Variants in POTEC observed in about 807,000 individuals in gnomAD.
The protein encoded by POTEC is POTE ankyrin domain family member C.
A neutral mutation model predicts 62.0 loss-of-function variants in POTEC; 35 were observed. The ratio of observed to expected loss-of-function variants is 0.56; its 90% confidence interval spans 0.43 to 0.75. The LOEUF is 0.75. Ranked by LOEUF, POTEC falls within the 30% of genes least tolerant of loss-of-function variation. The probability of loss-of-function intolerance (pLI) is 0.00; values close to 1 mark genes in which losing one functional copy is unlikely to be tolerated. For synonymous variants in POTEC, 156 were observed against 221.5 expected, an observed-to-expected ratio of 0.70 and a Z score of 2.62; for missense variants, 472 against 655.9, an observed-to-expected ratio of 0.72 and a Z score of 3.06.
chr18:14,531,214 T>C (rs1199512220), intron 5 of POTEC, among the ~76,000 whole-genome samples: 1 of 151,746 alleles, frequency 6.6e-6, no homozygotes, highest in Non-Finnish European at 1.5e-5. Flanking sequence ...AATTTTTTCA[T>C]AAATCTCTCA....
intron 6 of POTEC, among the ~76,000 whole-genome samples, chr18:14,528,281 G>C (rs1413892615): frequency 6.6e-6 from 1 of 152,126 alleles, no homozygotes; most frequent in East Asian, 1.9e-4. Context: ...AGCACACATT[G>C]TTGGCTCCCT....
chr18:14,518,399 A>AT lies in POTEC; in HGVS notation c.1409+3854dup, dbSNP rs200011347. 3.3e-4 allele frequency among the ~76,000 whole-genome samples: 49 copies of AT among 149,608 alleles called. No homozygotes were observed. The East Asian group carries it at 4.9e-3, about 15-fold the overall frequency. ...AGAGAAGTCCCTGCTGAGAAAGGGG[A>AT]TTTTTTTTTTCTAATACAAAAAACC... On this transcript the variant is annotated intron_variant, in intron 9 of 10. Transcript: ENST00000358970.
intron 7 of POTEC, among the ~76,000 whole-genome samples, 197 bp downstream of exon 7, chr18:14,524,716 T>G (rs1057034618): frequency 6.6e-6 from 1 of 151,946 alleles, no homozygotes; most frequent in Non-Finnish European, 1.5e-5. Context: ...TAAATTAGAA[T>G]TTATTGATTC....
intron 6 of POTEC, among the ~76,000 whole-genome samples, chr18:14,526,990 A>G (rs1910453106): frequency 6.6e-6 from 1 of 152,286 alleles, no homozygotes; most frequent in South Asian, 2.1e-4. Flanking sequence ...AGTCAATTCT[A>G]TAATAAGTCA....
At chr18:14,514,040 T>C (rs1910085521) in intron 9 of POTEC, among the ~76,000 whole-genome samples, 1 of 150,620 alleles carries the variant, frequency 6.6e-6, no homozygotes, top group Non-Finnish European at 1.5e-5. Context: ...ATTACATACA[T>C]TGTGCACTTC....
chr18:14,522,243 C>T lies in POTEC; in HGVS notation c.1409+11G>A, dbSNP rs1910330666. 6.3e-7 allele frequency: 1 copy of T among 1,581,238 alleles called. No homozygotes were observed. The highest frequency in any genetic ancestry group is 2.0e-5 in the Admixed American group (1 of 49,222). On this transcript the variant is annotated intron_variant, in intron 9 of 10. Coordinates refer to ENST00000358970, the MANE Select transcript of POTEC (RefSeq NM_001137671.2). ...ATAGTTATCTCCTATTAAATGTTGC[C>T]ATAGGCTTACCTGTGATACTCTTCA...
At chr18:14,529,668 T>C (rs1313017501) in intron 6 of POTEC, among the ~76,000 whole-genome samples, 2 of 152,168 alleles carry the variant, frequency 1.3e-5, no homozygotes, top group African/African-American at 4.8e-5. Context: ...TATGACAATC[T>C]TTTGGTAAAT....
chr18:14,542,286 T>C (rs1415914187), intron 1 of POTEC, among the ~76,000 whole-genome samples: 1 of 152,230 alleles, frequency 6.6e-6, no homozygotes, highest in Admixed American at 6.5e-5. Context: ...TGGGGCTTAG[T>C]TCTCAATATA....
intron 7 of POTEC, among the ~76,000 whole-genome samples, chr18:14,523,729 GC>G (rs1910366107): frequency 6.6e-6 from 1 of 152,014 alleles, no homozygotes; most frequent in Admixed American, 6.6e-5. Flanking sequence ...CACATCATTG[GC>G]TTCTGACTAA....
chr18:14,532,737 C>G (rs1443803608), intron 5 of POTEC, among the ~76,000 whole-genome samples: 1 of 151,972 alleles, frequency 6.6e-6, no homozygotes, highest in Non-Finnish European at 1.5e-5. Flanking sequence ...TTTCAAGACC[C>G]AAATAACTAA....
chr18:14,521,967 T>A (rs991024862), intron 9 of POTEC, among the ~76,000 whole-genome samples: 2 of 152,152 alleles, frequency 1.3e-5, no homozygotes, highest in Admixed American at 1.3e-4. Flanking sequence ...ACAGTTTACC[T>A]ATATAATAAA....
intron 9 of POTEC, among the ~76,000 whole-genome samples, chr18:14,521,730 C>T (rs1216653613): frequency 6.6e-6 from 1 of 152,116 alleles, no homozygotes; most frequent in Non-Finnish European, 1.5e-5. Flanking sequence ...AGGCCATTAT[C>T]CTAAGCAAAC....
rs545692763 is a variant in POTEC, at chr18:14,542,962, C to A, written c.185G>T (p.Gly62Val). 2 of 1,573,734 alleles carry A rather than the reference C, an allele frequency of 1.3e-6. No homozygotes were observed. Among genetic ancestry groups the A allele is most frequent in the African/African-American group, 2.7e-5 (2 of 73,398 alleles). The change falls in exon 1 of 11, where the codon GGC becomes GTC. Residue 62 changes from glycine (G) to valine (V), a missense_variant. Around this residue, in one of 5 missense-constraint regions of POTEC, gnomAD observed 257 missense variants for 250.7 expected, o/e 1.03. Coordinates refer to ENST00000358970, the MANE Select transcript of POTEC (RefSeq NM_001137671.2). ...SFMKMLRSKM[G>V]KCCHHCFPCC... ...GGGGAAGCAGTGGTGGCAACACTTG[C>A]CCATCTTGCTCCTGAGCATCTTCAT...
chr18:14,535,485 C>T (rs1905682001), intron 3 of POTEC, among the ~76,000 whole-genome samples: 1 of 152,048 alleles, frequency 6.6e-6, no homozygotes, highest in African/African-American at 2.4e-5. Flanking sequence ...TCACACTGCC[C>T]ATTTCAAGAA....
chr18:14,530,507 T>C lies in POTEC; in HGVS notation c.1102A>G (p.Ile368Val). Residue 368 changes from isoleucine (I) to valine (V), a missense_variant, in exon 6 of 11, where the codon ATC becomes GTC. Physicochemically the swap from Ile to Val is conservative, Grantham distance 29. This residue lies in a region of POTEC where 83 missense variants were observed against 254.3 expected (regional missense o/e 0.33). Transcript: ENST00000358970. ...CCTGGATTGCTGTTTTCAGAAGAGA[T>C]TTTTAGCATCTGTTTTTCTTTATAG... ...SDYKEKQMLK[I>V]SSENSNPEQD... The C allele has an allele frequency of 1.3e-6, 2 of 1,595,392 alleles. No homozygotes were observed. Among genetic ancestry groups the C allele is most frequent in the Non-Finnish European group, 1.7e-6 (2 of 1,171,192 alleles).
chr18:14,541,582 T>G (rs1265254499), intron 1 of POTEC, among the ~76,000 whole-genome samples: 1 of 152,132 alleles, frequency 6.6e-6, no homozygotes, highest in East Asian at 1.9e-4. Flanking sequence ...GAGGTTGTAG[T>G]GAGCTGATAT....
Position 14,511,919 on chromosome 18 carries a change from T to G in POTEC, c.1608A>C (p.Leu536=), listed in dbSNP as rs747860860. 1 of 1,613,870 alleles carries G rather than the reference T, an allele frequency of 6.2e-7. No individual in the cohort carries two copies. Among genetic ancestry groups the G allele is most frequent in the Non-Finnish European group, 8.5e-7 (1 of 1,179,836 alleles). Residue 536 remains leucine, a synonymous_variant, in exon 11 of 11, where the codon CTA becomes CTC. Transcript: ENST00000358970. ...NSMLQEEIAM[L]ISGDWN ...TCATCTAGTTCCAGTCTCCAGAAATTAGCATGGCAATTTCTTCCTGCAACA... is the reference window on the plus strand; with the variant it reads ...TCATCTAGTTCCAGTCTCCAGAAATGAGCATGGCAATTTCTTCCTGCAACA...
intron 9 of POTEC, among the ~76,000 whole-genome samples, chr18:14,514,164 C>T (rs942866049): frequency 6.6e-6 from 1 of 151,982 alleles, no homozygotes; most frequent in Non-Finnish European, 1.5e-5. Context: ...CTAGGGGTGA[C>T]AGGAGATGGT....
chr18:14,543,245 T>C lies in POTEC; in HGVS notation c.-99A>G. ...GGAAACCCTGGGTTTCCAATCTGTT[T>C]GAAGAGAAAGGTCAATCCCAGCCAA... On this transcript the variant is annotated 5_prime_UTR_variant, in exon 1 of 11. Transcript: ENST00000358970. The C allele has an allele frequency of 2.6e-6, 4 of 1,519,336 alleles. No homozygotes were observed. In the Admixed American group the frequency reaches 7.7e-5, roughly 29 times the overall value. 94.1% of individuals were successfully genotyped at this position (1,519,336 alleles called of 1,614,324 possible). A position where few individuals can be genotyped will look rare whatever the true frequency, so the allele number is the denominator to read the frequency against.
Sources: allele counts gnomAD v4.1 joint callset (sites outside exome capture counted in the v4.1 genomes callset), GRCh38; gene constraint gnomAD v4.1.1; regional missense constraint gnomAD v4.1.1; transcripts MANE v1.5; gene names NCBI Gene and HGNC (gene_info 2026-07-23, HGNC 2026-07-21).